Variants in DNAH14 observed in about 807,000 individuals in gnomAD.
DNAH14 encodes axonemal beta dynein heavy chain 14.
In DNAH14, 478 loss-of-function variants were observed where a neutral mutation model predicts 520.9. The observed-to-expected ratio is 0.92, with a 90% CI of 0.85 to 0.99. The LOEUF (loss-of-function observed/expected upper bound fraction) is 0.99. DNAH14 is among the 50% of genes least tolerant of loss of function. The pLI, the probability that DNAH14 is intolerant of heterozygous loss-of-function variation, is 0.00. For missense variants in DNAH14, 4,831 were observed against 5,234.5 expected, an observed-to-expected ratio of 0.92 and a Z score of 2.38; for synonymous variants, 1,581 against 1,757.2, an observed-to-expected ratio of 0.90 and a Z score of 2.51.
At chr1:225,174,707 A>G (rs1192215236) in intron 36 of DNAH14, among the ~76,000 whole-genome samples, 1 of 152,130 alleles carries the variant, frequency 6.6e-6, no homozygotes, top group Non-Finnish European at 1.5e-5. Flanking sequence ...TTCCAGTAAC[A>G]TATTGAGGAA....
chr1:224,965,469 T>G (rs2061106823), intron 5 of DNAH14, among the ~76,000 whole-genome samples: 2 of 152,052 alleles, frequency 1.3e-5, no homozygotes, highest in African/African-American at 4.8e-5. Context: ...TTTTAGATTT[T>G]GAAACTACTC....
At chr1:225,218,213 G>T (rs1043886644) in intron 41 of DNAH14, among the ~76,000 whole-genome samples, 16 of 152,162 alleles carry the variant, frequency 1.1e-4, no homozygotes, top group African/African-American at 3.6e-4. Flanking sequence ...ATACCAAATT[G>T]TAAAGATCAT....
At chr1:225,012,203 C>T (rs752569804) in intron 10 of DNAH14, among the ~76,000 whole-genome samples, 14 of 152,128 alleles carry the variant, frequency 9.2e-5, no homozygotes, top group Non-Finnish European at 1.9e-4. Flanking sequence ...TTCTCCTTCA[C>T]TTGTGAAGCT....
intron 10 of DNAH14, among the ~76,000 whole-genome samples, chr1:225,016,746 CT>C (rs1034128975): frequency 6.7e-6 from 1 of 149,102 alleles, no homozygotes; most frequent in African/African-American, 2.5e-5. Context: ...TTTTTCTTTT[CT>C]TTTTTTTTGT....
intron 55 of DNAH14, among the ~76,000 whole-genome samples, chr1:225,299,438 A>G (rs995593259): frequency 6.6e-6 from 1 of 152,152 alleles, no homozygotes; most frequent in Admixed American, 6.5e-5. Flanking sequence ...GAGCAAATCC[A>G]AGTGCCATAT....
At chr1:225,200,666 G>A (rs1030278806) in intron 38 of DNAH14, among the ~76,000 whole-genome samples, 62 of 152,054 alleles carry the variant, frequency 4.1e-4, no homozygotes, top group African/African-American at 1.4e-3. Flanking sequence ...TTTGTTTAAG[G>A]AGGCTGAAAC....
intron 21 of DNAH14, among the ~76,000 whole-genome samples, chr1:225,090,616 G>A (rs2074291137): frequency 6.6e-6 from 1 of 152,024 alleles, no homozygotes; most frequent in Admixed American, 6.6e-5. Context: ...ATAATTCAGA[G>A]AAAAAACAGC....
intron 15 of DNAH14, among the ~76,000 whole-genome samples, chr1:225,048,994 G>A (rs1028187212): frequency 1.1e-4 from 16 of 144,356 alleles, no homozygotes; most frequent in Non-Finnish European, 4.5e-5. Flanking sequence ...TATTATGCTA[G>A]TTTTCCATCT....
chr1:225,390,674 C>A (rs911454407), intron 83 of DNAH14, among the ~76,000 whole-genome samples: 2 of 152,060 alleles, frequency 1.3e-5, no homozygotes, highest in Admixed American at 1.3e-4. Context: ...TAAGTATTAT[C>A]CAGGTGCGGA....
chr1:224,992,642 G>T (rs1036357293), intron 8 of DNAH14, among the ~76,000 whole-genome samples: 1 of 152,026 alleles, frequency 6.6e-6, no homozygotes, highest in Non-Finnish European at 1.5e-5. Flanking sequence ...TTAAGAACAT[G>T]TTGTCAGGAA....
intron 17 of DNAH14, among the ~76,000 whole-genome samples, chr1:225,065,180 T>G (rs1180372835): frequency 1.3e-5 from 2 of 152,018 alleles, no homozygotes. Flanking sequence ...TGAATGGTAT[T>G]GCCTAGGACA....
At chr1:225,341,414 G>A (rs1465910974) in intron 69 of DNAH14, among the ~76,000 whole-genome samples, 10 of 152,236 alleles carry the variant, frequency 6.6e-5, no homozygotes. Context: ...CCGAGGTCAG[G>A]AGTTCGAGAC....
intron 37 of DNAH14, among the ~76,000 whole-genome samples, chr1:225,186,722 T>TA (rs1387440463): frequency 1.3e-5 from 2 of 151,884 alleles, no homozygotes; most frequent in African/African-American, 4.8e-5. Flanking sequence ...AATTTTCACA[T>TA]AATGTTATAT....
In DNAH14 at chr1:225,185,436, T is replaced by C; in HGVS notation, c.5670+11T>C. On this transcript the variant is annotated intron_variant, in intron 37 of 85. Transcript: ENST00000682510. ...AAATCTGCTTCAAAGGTAAATGTTCTGTTAAATAAAATGTTTCTCTATTTG... is the reference window on the plus strand; with the variant it reads ...AAATCTGCTTCAAAGGTAAATGTTCCGTTAAATAAAATGTTTCTCTATTTG... The C allele has an allele frequency of 6.6e-7, 1 of 1,517,302 alleles. No homozygotes were observed. The highest frequency in any genetic ancestry group is 8.8e-7 in the Non-Finnish European group (1 of 1,135,358). The allele number at this position is 1,517,302 out of a possible 1,614,324, so 94.0% of individuals were successfully genotyped here.
At chr1:225,120,689 A>C (rs192995512) in intron 26 of DNAH14, among the ~76,000 whole-genome samples, 2 of 152,344 alleles carry the variant, frequency 1.3e-5, no homozygotes, top group East Asian at 3.9e-4. Context: ...ATTTTTGCAA[A>C]TGCAGTTTCA....
At chr1:225,178,333 C>T (rs936324264) in intron 36 of DNAH14, among the ~76,000 whole-genome samples, 4 of 152,164 alleles carry the variant, frequency 2.6e-5, no homozygotes, top group Admixed American at 6.5e-5. Context: ...AGGCAAAAGG[C>T]ACTTCTTACA....
rs544137551 is a variant in DNAH14 at position 225,325,458 on chromosome 1, C to A, written c.9723+626C>A. Among the ~76,000 whole-genome samples, 51 of 149,268 alleles carry A rather than the reference C, an allele frequency of 3.4e-4. 1 individual carries two copies. The highest frequency in any genetic ancestry group is 1.3e-3 in the African/African-American group (51 of 40,160). ...CGAGATTGAACCATTACACTCCAGC[C>A]TGGGCAACAAGAGCAAAACTCCATC... On this transcript the variant is annotated intron_variant, in intron 64 of 85. Transcript: ENST00000682510.
At chr1:225,337,973 A>T in intron 67 of DNAH14, 88 bp from the exon 68 acceptor site, 1 of 1,347,984 alleles carries the variant, frequency 7.4e-7, no homozygotes, top group Non-Finnish European at 9.9e-7. Context: ...TTTCTAACTC[A>T]ACCTTTAAAT....
At chr1:225,223,496 C>T (rs1051789031) in intron 41 of DNAH14, among the ~76,000 whole-genome samples, 1 of 152,116 alleles carries the variant, frequency 6.6e-6, no homozygotes, top group African/African-American at 2.4e-5. Context: ...CATATAGAAC[C>T]ATCAAACACC....
Sources: allele counts gnomAD v4.1 joint callset (sites outside exome capture counted in the v4.1 genomes callset), GRCh38; gene constraint gnomAD v4.1.1; transcripts MANE v1.5; gene names NCBI Gene and HGNC (gene_info 2026-07-23, HGNC 2026-07-21).